Variants in TNNI3K observed in about 807,000 individuals in gnomAD.
TNNI3K encodes serine/threonine-protein kinase TNNI3K.
Under a neutral mutation model 114.5 loss-of-function variants are expected in TNNI3K, and 140 were observed. That is an observed-to-expected ratio of 1.22 (90% CI 1.07 to 1.41). The LOEUF is 1.41. Among genes scored for constraint, TNNI3K ranks in the 40% most tolerant of loss-of-function variants. The probability of loss-of-function intolerance (pLI) is 0.00; values close to 1 mark genes in which losing one functional copy is unlikely to be tolerated. For synonymous variants in TNNI3K, 347 were observed against 347.5 expected, an observed-to-expected ratio of 1.00 and a Z score of 0.02; for missense variants, 1,125 against 1,007.6, an observed-to-expected ratio of 1.12 and a Z score of -1.58.
chr1:74,361,079 T>A (rs1186070627), intron 11 of TNNI3K, among the ~76,000 whole-genome samples: 2 of 152,142 alleles, frequency 1.3e-5, no homozygotes, highest in Non-Finnish European at 2.9e-5. Flanking sequence ...CTGTCACTTT[T>A]CTGTTGTCTC....
At chr1:74,362,835 T>C (rs369722269) in intron 11 of TNNI3K, among the ~76,000 whole-genome samples, 5 of 152,088 alleles carry the variant, frequency 3.3e-5, no homozygotes, top group African/African-American at 1.2e-4. Flanking sequence ...ATTTGGAGAA[T>C]ACACACAGGA....
chr1:74,480,145 C>G (rs151235167), intron 21 of TNNI3K: 1 of 712,324 alleles, frequency 1.4e-6, no homozygotes, highest in African/African-American at 1.8e-5. Flanking sequence ...CACTTCTCCC[C>G]GGCATACCTG....
rs372783036 is a variant in TNNI3K at position 74,408,435 on chromosome 1, AT to A, written c.1773-27644del. On this transcript the variant is annotated intron_variant, in intron 17 of 24. Coordinates refer to ENST00000326637, the MANE Select transcript of TNNI3K (RefSeq NM_015978.3). ...TCCAGTGAATAATAAATGAAGATTT[AT>A]CTCCAAAATAACTTCCACATTGCCC... 9.8e-5 allele frequency among the ~76,000 whole-genome samples: 15 copies of A among 152,372 alleles called. No individual in the cohort carries two copies. In the East Asian group the frequency reaches 1.3e-3, roughly 14 times the overall value.
chr1:74,472,073 G>A (rs796488051), intron 21 of TNNI3K: 3 of 716,876 alleles, frequency 4.2e-6, no homozygotes, highest in African/African-American at 3.5e-5. Flanking sequence ...CTATGAGGGT[G>A]TAAGCCATTG....
intron 5 of TNNI3K, among the ~76,000 whole-genome samples, chr1:74,316,529 C>T (rs139978757): frequency 6.6e-6 from 1 of 152,136 alleles, no homozygotes; most frequent in Admixed American, 6.5e-5. Context: ...TTTCTCTACC[C>T]GGACTTTTCT....
At chr1:74,489,510 T>A (rs372284379) in intron 22 of TNNI3K, among the ~76,000 whole-genome samples, 1 of 152,136 alleles carries the variant, frequency 6.6e-6, no homozygotes, top group African/African-American at 2.4e-5. Context: ...AGCTTAAAAA[T>A]TGATAAGTAA....
intron 5 of TNNI3K, among the ~76,000 whole-genome samples, chr1:74,290,521 G>C (rs1657612950): frequency 1.3e-5 from 2 of 151,678 alleles, no homozygotes; most frequent in African/African-American, 4.8e-5. Context: ...AAAGTAAAAT[G>C]CTCTAAATGC....
intron 17 of TNNI3K, among the ~76,000 whole-genome samples, chr1:74,377,952 A>T (rs1348686278): frequency 1.3e-5 from 2 of 152,254 alleles, no homozygotes; most frequent in South Asian, 2.1e-4. Flanking sequence ...CCATATAAAC[A>T]GACACATTTC....
At chr1:74,308,786 A>G (rs573723) in intron 5 of TNNI3K, among the ~76,000 whole-genome samples, 150,894 of 152,264 alleles carry the variant, frequency 0.99, 74,787 homozygotes, top group Middle Eastern at 1. Flanking sequence ...AAGAGAGAAG[A>G]CTCAAATAAG....
In TNNI3K at chr1:74,353,449, G is replaced by A. The variant is rs1661489498; in HGVS notation, c.1027+89G>A. The A allele has an allele frequency of 8.6e-6, 12 of 1,392,384 alleles. No homozygotes were observed. The Admixed American group carries it at 1.0e-4, about 12-fold the overall frequency. The allele number at this position is 1,392,384 out of a possible 1,614,324, so 86.3% of individuals were successfully genotyped here. A position where few individuals can be genotyped will look rare whatever the true frequency, so the allele number is the denominator to read the frequency against. The stretch of plus-strand genomic sequence containing the variant: ...GCAAAGGGATGTGGGGGCATTGGGA[G>A]TGCTCAACTCCAGTGGGAAAGGGTA... On this transcript the variant is annotated intron_variant, in intron 10 of 24. Coordinates refer to ENST00000326637, the MANE Select transcript of TNNI3K (RefSeq NM_015978.3).
chr1:74,469,742 A>T (rs1399810696), intron 21 of TNNI3K: 9 of 395,648 alleles, frequency 2.3e-5, no homozygotes, highest in East Asian at 7.1e-5. Flanking sequence ...TATTTTATTG[A>T]TAACAAAGAG....
intron 17 of TNNI3K, among the ~76,000 whole-genome samples, chr1:74,428,887 A>G (rs1665761463): frequency 1.3e-5 from 2 of 152,080 alleles, no homozygotes; most frequent in Admixed American, 1.3e-4. Context: ...GTGAGCTATG[A>G]TCACACCACT....
At position 74,460,212 on chromosome 1, in the gene TNNI3K, C is replaced by T. The variant is rs144809826; in HGVS notation, c.2012-3229C>T. On this transcript the variant is annotated intron_variant, in intron 20 of 24. Transcript: ENST00000326637. ...TGCCTCGAGTAGCTGGGACTACAGG[C>T]GCCAGCCACCACGTCCAGCTAATTT... Among the ~76,000 whole-genome samples, 101 of 152,100 alleles carry T rather than the reference C, an allele frequency of 6.6e-4. 2 individuals carry two copies. Among genetic ancestry groups the T allele is most frequent in the African/African-American group, 2.0e-3 (85 of 41,520 alleles).
chr1:74,454,485 C>G (rs1424236982), intron 20 of TNNI3K, among the ~76,000 whole-genome samples: 1 of 152,088 alleles, frequency 6.6e-6, no homozygotes, highest in Admixed American at 6.6e-5. Context: ...TTTTTCTGTG[C>G]CTGGCTTATT....
Position 74,235,493 on chromosome 1 carries a change from T to A in TNNI3K, c.40+2T>A. ...CTAGACCAACCCAAACTTGTACTGG[T>A]AATTATTCTAATTATTCTTATTTCC... On this transcript the variant is annotated splice_donor_variant, in intron 1 of 24. Coordinates refer to ENST00000326637, the MANE Select transcript of TNNI3K (RefSeq NM_015978.3). LOFTEE classifies it high-confidence loss of function. 5 of 1,339,128 alleles carry A rather than the reference T, an allele frequency of 3.7e-6. No homozygotes were observed. Among genetic ancestry groups the A allele is most frequent in the Non-Finnish European group, 5.2e-6 (5 of 954,144 alleles). 83.0% of individuals were successfully genotyped at this position (1,339,128 alleles called of 1,614,324 possible).
At chr1:74,378,614 A>G (rs1354867342) in intron 17 of TNNI3K, 22 of 72,562 alleles carry the variant, frequency 3.0e-4, no homozygotes, top group African/African-American at 1.2e-3. Context: ...ATATATATAT[A>G]TATATATATA....
At chr1:74,428,892 A>G (rs981291883) in intron 17 of TNNI3K, among the ~76,000 whole-genome samples, 1 of 152,118 alleles carries the variant, frequency 6.6e-6, no homozygotes, top group Admixed American at 6.6e-5. Flanking sequence ...CTATGATCAC[A>G]CCACTGCACT....
intron 20 of TNNI3K, among the ~76,000 whole-genome samples, chr1:74,447,301 C>G (rs1412993104): frequency 1.3e-5 from 2 of 149,690 alleles, no homozygotes; most frequent in South Asian, 2.1e-4. Flanking sequence ...CTCTTTGAAG[C>G]AATTGTGAAT....
At chr1:74,522,653 A>T (rs6671223) in intron 23 of TNNI3K, among the ~76,000 whole-genome samples, 132,844 of 146,180 alleles carry the variant, frequency 0.91, 60,105 homozygotes, top group Non-Finnish European at 0.96. Context: ...TGTGTGTGTG[A>T]GAGAGAGAGA....
Sources: gnomAD v4.1 joint callset for allele counts (sites outside exome capture counted in the v4.1 genomes callset) on GRCh38, gnomAD v4.1.1 for gene constraint, MANE v1.5 for transcripts, NCBI Gene and HGNC (gene_info 2026-07-23, HGNC 2026-07-21) for gene names.